EXOC6: variants seen among roughly 807,000 people sequenced by gnomAD.
The protein encoded by EXOC6 is SEC15-like 1.
In EXOC6, 60 loss-of-function variants were observed where a neutral mutation model predicts 112.5. The ratio of observed to expected loss-of-function variants is 0.53; its 90% confidence interval spans 0.43 to 0.66. EXOC6 has a LOEUF of 0.66. EXOC6 is among the 30% of genes least tolerant of loss of function. EXOC6 has a pLI of 0.00. For missense variants in EXOC6, 855 were observed against 957.1 expected, an observed-to-expected ratio of 0.89 and a Z score of 1.41; for synonymous variants, 295 against 308.0, an observed-to-expected ratio of 0.96 and a Z score of 0.44.
At chr10:92,985,469 A>T (rs1381012682) in intron 18 of EXOC6, among the ~76,000 whole-genome samples, 1 of 152,098 alleles carries the variant, frequency 6.6e-6, no homozygotes, top group African/African-American at 2.4e-5. Flanking sequence ...TCTGCTGTTG[A>T]AAACATTTTA....
chr10:92,868,393 G>C (rs528176094), intron 1 of EXOC6, among the ~76,000 whole-genome samples: 2 of 152,096 alleles, frequency 1.3e-5, no homozygotes, highest in Non-Finnish European at 2.9e-5. Flanking sequence ...TACTGTATGT[G>C]GGTTTCTTGG....
In EXOC6 at chr10:93,007,288, ATT is replaced by A. The variant is rs58873245; in HGVS notation, c.2096-6894_2096-6893del. Among the ~76,000 whole-genome samples the A allele has an allele frequency of 3.9e-3, 591 of 150,274 alleles. 4 individuals are homozygous for A. Among genetic ancestry groups the A allele is most frequent in the African/African-American group, 0.013 (538 of 41,168 alleles). ...GAAGGGCCTGTTTTCCTACTCAAAA[ATT>A]TTTTTTTTTTTATATATACAAATAA... On this transcript the variant is annotated intron_variant, in intron 19 of 21. Coordinates refer to ENST00000260762, the MANE Select transcript of EXOC6 (RefSeq NM_019053.6).
intron 1 of EXOC6, among the ~76,000 whole-genome samples, chr10:92,871,982 A>AT (rs1019340531): frequency 4.0e-5 from 6 of 150,850 alleles, no homozygotes; most frequent in Non-Finnish European, 8.9e-5. Context: ...TGTTTTGTTG[A>AT]TTTTTTTAAA....
intron 19 of EXOC6, among the ~76,000 whole-genome samples, chr10:93,000,310 C>T (rs955079673): frequency 6.6e-6 from 1 of 152,136 alleles, no homozygotes; most frequent in Non-Finnish European, 1.5e-5. Flanking sequence ...ATTCTCTTAC[C>T]TCTCTAGCCT....
At chr10:92,854,309 C>A (rs745653300) in intron 1 of EXOC6, among the ~76,000 whole-genome samples, 1 of 151,922 alleles carries the variant, frequency 6.6e-6, no homozygotes, top group East Asian at 1.9e-4. Flanking sequence ...TGGTAGCACA[C>A]GCCTGTAGTC....
chr10:92,846,075 GA>G (rs1847043761), upstream of EXOC6, among the ~76,000 whole-genome samples: 1 of 152,238 alleles, frequency 6.6e-6, no homozygotes, highest in African/African-American at 2.4e-5. Context: ...AACTGTTTCA[GA>G]AGGAGAAGTG....
chr10:92,992,679 T>C lies in EXOC6; in HGVS notation c.1954-4795T>C, dbSNP rs139753009. Among the ~76,000 whole-genome samples the C allele has an allele frequency of 3.2e-3, 485 of 152,212 alleles. 8 individuals are homozygous for C. Among genetic ancestry groups the C allele is most frequent in the African/African-American group, 0.011 (458 of 41,562 alleles). ...AATACCTGTTTTTCAACTATACCTC[T>C]TTTTTAATATTTCAATTAACTATTT... On this transcript the variant is annotated intron_variant, in intron 18 of 21. Transcript: ENST00000260762.
chr10:93,035,987 G>A (rs1845496801), intron 20 of EXOC6, among the ~76,000 whole-genome samples: 1 of 152,152 alleles, frequency 6.6e-6, no homozygotes, highest in Non-Finnish European at 1.5e-5. Context: ...TTGGGAGGCC[G>A]AGGCGGGCAG....
Position 92,895,080 on chromosome 10 carries a change from G to A in EXOC6, c.412+60G>A, listed in dbSNP as rs1246490440. ...TTGGTAAAGTTGTAATTTAATAATA[G>A]CAAGTAGTGATTCTTTGGTATGGGA... On this transcript the variant is annotated intron_variant, in intron 4 of 21. Transcript: ENST00000260762. 5.2e-6 allele frequency: 5 copies of A among 956,368 alleles called. No individual in the cohort carries two copies. In the Admixed American group the frequency reaches 9.0e-5, roughly 17 times the overall value. The allele number at this position is 956,368 out of a possible 1,614,324, so 59.2% of individuals were successfully genotyped here.
At chr10:92,866,853 C>G (rs1848199413) in intron 1 of EXOC6, among the ~76,000 whole-genome samples, 1 of 152,082 alleles carries the variant, frequency 6.6e-6, no homozygotes, top group Non-Finnish European at 1.5e-5. Context: ...TTTCTTAAGT[C>G]TAACACATTT....
intron 18 of EXOC6, among the ~76,000 whole-genome samples, chr10:92,988,433 T>C (rs1843097040): frequency 1.3e-5 from 2 of 152,338 alleles, no homozygotes; most frequent in African/African-American, 2.4e-5. Context: ...TCTGTTCTTA[T>C]TCCTGTTACT....
At chr10:92,844,483 C>T (rs1846982224), upstream of EXOC6, among the ~76,000 whole-genome samples, 1 of 152,084 alleles carries the variant, frequency 6.6e-6, no homozygotes, top group Non-Finnish European at 1.5e-5. Context: ...AAGAATCCAA[C>T]CCAAAGACAT....
At chr10:93,021,105 TC>T (rs2134258290) in intron 20 of EXOC6, among the ~76,000 whole-genome samples, 1 of 152,108 alleles carries the variant, frequency 6.6e-6, no homozygotes, top group South Asian at 2.1e-4. Flanking sequence ...TGTATGTTCT[TC>T]ATTCCCATTA....
In EXOC6 at chr10:92,948,285, A is replaced by G. The variant is rs1442971377; in HGVS notation, c.1322A>G (p.Glu441Gly). 1 of 1,601,080 alleles carries G rather than the reference A, an allele frequency of 6.2e-7. No individual in the cohort carries two copies. Among genetic ancestry groups the G allele is most frequent in the Admixed American group, 1.7e-5 (1 of 58,424 alleles). The stretch of plus-strand genomic sequence containing the variant: ...TCCTTTCCTAACAGGGACATTTTTG[A>G]AGAAGATAATTACAGCCCCATCCCT... ...KWAGVFRDIF[E>G]EDNYSPIPVV... Residue 441 changes from glutamate to glycine, a missense_variant, in exon 14 of 22, where the codon GAA (glutamate) becomes GGA (glycine). By Grantham distance (98) the Glu-to-Gly change is moderately conservative. Transcript: ENST00000260762.
chr10:92,947,586 T>C (rs1853109612), intron 13 of EXOC6, among the ~76,000 whole-genome samples: 1 of 152,218 alleles, frequency 6.6e-6, no homozygotes, highest in Non-Finnish European at 1.5e-5. Flanking sequence ...AGACACAAGA[T>C]ACACAGCTTG....
rs199531837 is a variant in EXOC6 at position 92,895,047 on chromosome 10, C to T, written c.412+27C>T. ...TGAGTTAAACTTGTCTATAATAAAA[C>T]GTTTGGCTTGGTAAAGTTGTAATTT... On this transcript the variant is annotated intron_variant, in intron 4 of 21. Transcript: ENST00000260762. 2.2e-4 allele frequency: 307 copies of T among 1,368,238 alleles called. 1 individual carries two copies. The African/African-American group carries it at 3.4e-3, about 15-fold the overall frequency. 84.8% of individuals were successfully genotyped at this position (1,368,238 alleles called of 1,614,324 possible). A position where few individuals can be genotyped will look rare whatever the true frequency, so the allele number is the denominator to read the frequency against.
At chr10:92,990,793 T>C (rs1233245186) in intron 18 of EXOC6, among the ~76,000 whole-genome samples, 2 of 152,004 alleles carry the variant, frequency 1.3e-5, no homozygotes, top group Admixed American at 6.6e-5. Flanking sequence ...CCCAGGGAGG[T>C]TGAGACTTTG....
intron 18 of EXOC6, among the ~76,000 whole-genome samples, chr10:92,985,019 CAA>C (rs1842950759): frequency 6.6e-6 from 1 of 151,960 alleles, no homozygotes; most frequent in African/African-American, 2.4e-5. Context: ...CAAAACAAAA[CAA>C]AACAAAACCT....
chr10:93,053,376 A>C (rs1846393535), intron 20 of EXOC6, among the ~76,000 whole-genome samples: 1 of 152,204 alleles, frequency 6.6e-6, no homozygotes, highest in African/African-American at 2.4e-5. Flanking sequence ...ACTTCAATAG[A>C]ACTGAATTAT....
Sources: allele counts gnomAD v4.1 joint callset (sites outside exome capture counted in the v4.1 genomes callset), GRCh38; gene constraint gnomAD v4.1.1; transcripts MANE v1.5; gene names NCBI Gene and HGNC (gene_info 2026-07-23, HGNC 2026-07-21).